BCR: variants seen among roughly 807,000 people sequenced by gnomAD.
BCR encodes breakpoint cluster region protein.
Under a neutral mutation model 138.6 loss-of-function variants are expected in BCR, and 58 were observed. That is an observed-to-expected ratio of 0.42 (90% CI 0.34 to 0.52). BCR has a LOEUF of 0.52. Among genes scored for constraint, BCR ranks in the 20% least tolerant of loss-of-function variants. The probability of loss-of-function intolerance (pLI) is 0.06; values close to 1 mark genes in which losing one functional copy is unlikely to be tolerated. For synonymous variants in BCR, 786 were observed against 730.1 expected, an observed-to-expected ratio of 1.08 and a Z score of -1.23; for missense variants, 1,599 against 1,727.2, an observed-to-expected ratio of 0.93 and a Z score of 1.32.
chr22:23,315,041 C>T (rs913864381), intron 22 of BCR, among the ~76,000 whole-genome samples: 26 of 152,160 alleles, frequency 1.7e-4, no homozygotes, highest in Admixed American at 5.2e-4. Flanking sequence ...GGCAATGTGG[C>T]AAACCCCATC....
At chr22:23,289,679 G>A (rs1568975708) in intron 13 of BCR, 58 bp downstream of exon 13, 1 of 1,436,896 alleles carries the variant, frequency 7.0e-7, no homozygotes, top group Non-Finnish European at 9.8e-7. Context: ...CAGCTAGCCT[G>A]AAGGCTGATC....
chr22:23,261,277 A>AC (rs1372358154), intron 3 of BCR, 78 bp from the exon 4 acceptor site: 76 of 1,446,040 alleles, frequency 5.3e-5, no homozygotes, highest in Non-Finnish European at 6.6e-5. Flanking sequence ...GGTAACCATG[A>AC]CTGTCTACTG....
intron 9 of BCR, 126 bp downstream of exon 9, chr22:23,284,224 A>G (rs2073683237): frequency 2.9e-6 from 4 of 1,374,224 alleles, no homozygotes; most frequent in Non-Finnish European, 3.9e-6. Context: ...ACTTGGGCAC[A>G]ATGCCAGGCT....
intron 16 of BCR, among the ~76,000 whole-genome samples, chr22:23,305,649 G>A (rs1248735654): frequency 6.6e-6 from 1 of 152,156 alleles, no homozygotes; most frequent in East Asian, 1.9e-4. Flanking sequence ...AGTTTTCTAG[G>A]CAGACCTCTA....
chr22:23,207,214 A>G (rs1002091156), intron 1 of BCR, among the ~76,000 whole-genome samples: 7 of 152,166 alleles, frequency 4.6e-5, no homozygotes, highest in African/African-American at 1.4e-4. Context: ...ATAGACATAT[A>G]TTAAAAACAG....
At chr22:23,264,282 T>C in intron 4 of BCR, 1 of 922,028 alleles carries the variant, frequency 1.1e-6, no homozygotes, top group Non-Finnish European at 1.8e-6. Flanking sequence ...CCCTGTGTAC[T>C]GCCTGCATCT....
intron 1 of BCR, among the ~76,000 whole-genome samples, chr22:23,237,450 C>A (rs893405078): frequency 1.3e-5 from 2 of 152,218 alleles, no homozygotes; most frequent in Non-Finnish European, 2.9e-5. Flanking sequence ...GGATTATCAC[C>A]GTGGGTGGTA....
intron 1 of BCR, among the ~76,000 whole-genome samples, chr22:23,246,196 G>A (rs894652214): frequency 1.3e-5 from 2 of 152,142 alleles, no homozygotes; most frequent in Non-Finnish European, 2.9e-5. Context: ...AGGCCTAGGC[G>A]AGAGGACCAC....
In BCR at chr22:23,315,909, G is replaced by A. The variant is rs2146334702; in HGVS notation, c.*387G>A. On this transcript the variant is annotated 3_prime_UTR_variant, in exon 23 of 23. Coordinates refer to ENST00000305877, the MANE Select transcript of BCR (RefSeq NM_004327.4). ...CTCTGGGGAGAAGGGAACGTGACTG[G>A]ATTCCCTCACTGTTGTATCTTGAAT... 1 of 416,274 alleles carries A rather than the reference G, an allele frequency of 2.4e-6. No homozygotes were observed. The highest frequency in any genetic ancestry group is 4.3e-5 in the East Asian group (1 of 23,410). 25.8% of individuals were successfully genotyped at this position (416,274 alleles called of 1,614,324 possible).
At chr22:23,263,097 G>T in intron 4 of BCR, 1 of 701,644 alleles carries the variant, frequency 1.4e-6, no homozygotes, top group South Asian at 1.9e-5. Flanking sequence ...AGGACAAGGA[G>T]GTCAGGTTTG....
chr22:23,224,700 AG>A (rs2146236220), intron 1 of BCR, among the ~76,000 whole-genome samples: 2 of 152,276 alleles, frequency 1.3e-5, no homozygotes, highest in South Asian at 4.1e-4. Context: ...TGGCCCACAC[AG>A]TGAAACCCTG....
chr22:23,188,354 C>T (rs888935412), intron 1 of BCR, among the ~76,000 whole-genome samples: 1 of 152,220 alleles, frequency 6.6e-6, no homozygotes, highest in Non-Finnish European at 1.5e-5. Context: ...TTCAGGGGAG[C>T]ATGCCTTATC....
Position 23,181,596 on chromosome 22 carries a change from C to T in BCR, c.636C>T (p.Arg212=), listed in dbSNP as rs147251834. The T allele has an allele frequency of 1.2e-5, 19 of 1,612,508 alleles. No individual in the cohort carries two copies. The highest frequency in any genetic ancestry group is 4.0e-5 in the African/African-American group (3 of 74,926). The change falls in exon 1 of 23, where the codon CGC becomes CGT. Residue 212 remains arginine, a synonymous_variant. Coordinates refer to ENST00000305877, the MANE Select transcript of BCR (RefSeq NM_004327.4). ...SLGSQAMQME[R]KKSQHGAGSS... ...GCAGCCAGGCCATGCAGATGGAGCGCAAAAAGTCCCAGCACGGCGCGGGCT... is the reference window on the plus strand; with the variant it reads ...GCAGCCAGGCCATGCAGATGGAGCGTAAAAAGTCCCAGCACGGCGCGGGCT...
intron 5 of BCR, among the ~76,000 whole-genome samples, chr22:23,269,200 C>T (rs1568964898): frequency 6.6e-6 from 1 of 152,258 alleles, no homozygotes; most frequent in Non-Finnish European, 1.5e-5. Flanking sequence ...AACCAGAACC[C>T]AGCCACACCC....
intron 1 of BCR, among the ~76,000 whole-genome samples, chr22:23,212,912 C>G (rs191963567): frequency 2.0e-5 from 3 of 152,348 alleles, no homozygotes; most frequent in African/African-American, 7.2e-5. Context: ...AGTGTCTTGT[C>G]TGCAGAAAAC....
chr22:23,282,411 C>T (rs961593299), intron 8 of BCR, among the ~76,000 whole-genome samples: 1 of 152,224 alleles, frequency 6.6e-6, no homozygotes, highest in Non-Finnish European at 1.5e-5. Context: ...CACCAGCAGC[C>T]CCTGCGTAAT....
At chr22:23,199,817 G>T (rs754340839) in intron 1 of BCR, among the ~76,000 whole-genome samples, 1 of 152,150 alleles carries the variant, frequency 6.6e-6, no homozygotes, top group Non-Finnish European at 1.5e-5. Context: ...GGGGCCAGGC[G>T]CGATGGCTCA....
At chr22:23,209,813 A>C (rs1333115590) in intron 1 of BCR, among the ~76,000 whole-genome samples, 1 of 151,628 alleles carries the variant, frequency 6.6e-6, no homozygotes, top group African/African-American at 2.4e-5. Flanking sequence ...TAATTTTTTT[A>C]GAGATGGGGT....
chr22:23,288,249 C>T, intron 12 of BCR, 77 bp downstream of exon 12: 1 of 1,409,544 alleles, frequency 7.1e-7, no homozygotes, highest in African/African-American at 1.4e-5. Context: ...GGTTTTAAAC[C>T]TTCTTTTTTA....
Sources: allele counts gnomAD v4.1 joint callset (sites outside exome capture counted in the v4.1 genomes callset), GRCh38; gene constraint gnomAD v4.1.1; transcripts MANE v1.5; gene names NCBI Gene and HGNC (gene_info 2026-07-23, HGNC 2026-07-21).